SCD5: variants seen among roughly 807,000 people sequenced by gnomAD.
SCD5 encodes the protein stearoyl-CoA desaturase 5, also known as acyl-CoA-desaturase 4.
Under a neutral mutation model 30.4 loss-of-function variants are expected in SCD5, and 20 were observed. That is an observed-to-expected ratio of 0.66 (90% CI 0.46 to 0.96). The LOEUF (loss-of-function observed/expected upper bound fraction) is 0.96. Ranked by LOEUF, SCD5 falls within the 40% of genes least tolerant of loss-of-function variation. The pLI, the probability that SCD5 is intolerant of heterozygous loss-of-function variation, is 0.00. For missense variants in SCD5, 381 were observed against 443.3 expected, an observed-to-expected ratio of 0.86 and a Z score of 1.26; for synonymous variants, 173 against 176.4, an observed-to-expected ratio of 0.98 and a Z score of 0.16.
chr4:82,692,793 C>T (rs1719587363), intron 2 of SCD5, among the ~76,000 whole-genome samples: 1 of 152,238 alleles, frequency 6.6e-6, no homozygotes, highest in Non-Finnish European at 1.5e-5. Context: ...AGGCAAACTC[C>T]AGTCCGCTGA....
chr4:82,646,150 T>C (rs151044253), intron 3 of SCD5, among the ~76,000 whole-genome samples: 38 of 152,354 alleles, frequency 2.5e-4, no homozygotes, highest in African/African-American at 7.9e-4. Context: ...TGATGAGTGA[T>C]GAGCTGTTCC....
At chr4:82,782,015 T>A (rs569146878) in intron 1 of SCD5, among the ~76,000 whole-genome samples, 1 of 152,000 alleles carries the variant, frequency 6.6e-6, no homozygotes, top group East Asian at 1.9e-4. Flanking sequence ...CTCAGTTGCA[T>A]TTAACATCTA....
At chr4:82,663,218 C>T (rs1728057614) in intron 3 of SCD5, among the ~76,000 whole-genome samples, 1 of 152,154 alleles carries the variant, frequency 6.6e-6, no homozygotes, top group Admixed American at 6.5e-5. Flanking sequence ...ATATGAATGG[C>T]TTCACTTTTG....
intron 1 of SCD5, among the ~76,000 whole-genome samples, chr4:82,723,410 T>C (rs4693500): frequency 0.43 from 65,617 of 152,062 alleles, 14,868 homozygotes; most frequent in African/African-American, 0.57. Flanking sequence ...AGAACTTTTA[T>C]TTTCTACTTT....
intron 3 of SCD5, among the ~76,000 whole-genome samples, chr4:82,653,027 C>A (rs1264996051): frequency 6.6e-6 from 1 of 151,972 alleles, no homozygotes; most frequent in Non-Finnish European, 1.5e-5. Context: ...GTGGTACGTG[C>A]CTGTAGTCCT....
chr4:82,641,681 G>C (rs1727550163), intron 3 of SCD5, among the ~76,000 whole-genome samples: 1 of 152,134 alleles, frequency 6.6e-6, no homozygotes. Context: ...AGATAAAGTA[G>C]GAATAATGGG....
intron 1 of SCD5, among the ~76,000 whole-genome samples, chr4:82,707,835 G>A (rs1371203894): frequency 1.3e-5 from 2 of 152,200 alleles, no homozygotes; most frequent in Non-Finnish European, 2.9e-5. Flanking sequence ...AGCCCCGTGG[G>A]AGATCTTGGG....
intron 1 of SCD5, among the ~76,000 whole-genome samples, chr4:82,721,637 A>C (rs1720371536): frequency 6.6e-6 from 1 of 152,196 alleles, no homozygotes; most frequent in Non-Finnish European, 1.5e-5. Context: ...ATGTGAAGAG[A>C]CATAGGGAGA....
chr4:82,712,409 C>T (rs1326630053), intron 1 of SCD5, among the ~76,000 whole-genome samples: 3 of 147,502 alleles, frequency 2.0e-5, no homozygotes, highest in Admixed American at 1.4e-4. Context: ...CCTCTGCCTC[C>T]CGGGTTCAAG....
chr4:82,650,819 AAT>A (rs1307939554), intron 3 of SCD5, among the ~76,000 whole-genome samples: 1 of 115,006 alleles, frequency 8.7e-6, no homozygotes, highest in Non-Finnish European at 1.9e-5. Flanking sequence ...ATCAAATGTT[AAT>A]ATATGTTAAT....
At chr4:82,640,475 C>T (rs936869277) in intron 3 of SCD5, among the ~76,000 whole-genome samples, 6 of 152,204 alleles carry the variant, frequency 3.9e-5, no homozygotes, top group East Asian at 1.9e-4. Flanking sequence ...TCCCTGTAAT[C>T]GGCTAGGATT....
At chr4:82,695,542 GAGA>G (rs904694019) in intron 2 of SCD5, among the ~76,000 whole-genome samples, 1 of 152,186 alleles carries the variant, frequency 6.6e-6, no homozygotes, top group African/African-American at 2.4e-5. Flanking sequence ...GGAAAGCTAG[GAGA>G]AGAACAGAAG....
chr4:82,689,409 G>A (rs977611032), intron 2 of SCD5, among the ~76,000 whole-genome samples: 4 of 152,124 alleles, frequency 2.6e-5, no homozygotes, highest in African/African-American at 9.7e-5. Context: ...AAAAAAAAGA[G>A]GCATTTGTAG....
chr4:82,708,292 T>G (rs1720009486), intron 1 of SCD5, among the ~76,000 whole-genome samples: 1 of 152,228 alleles, frequency 6.6e-6, no homozygotes, highest in South Asian at 2.1e-4. Context: ...TCCCATTGGA[T>G]TTTGTTATTA....
intron 1 of SCD5, among the ~76,000 whole-genome samples, chr4:82,712,563 G>T (rs143151956): frequency 6.6e-6 from 1 of 151,472 alleles, no homozygotes; most frequent in Non-Finnish European, 1.5e-5. Flanking sequence ...TGAGCTGCCC[G>T]CCTTGGCCTC....
intron 1 of SCD5, among the ~76,000 whole-genome samples, chr4:82,710,181 G>C (rs776071193): frequency 9.2e-5 from 14 of 152,084 alleles, no homozygotes; most frequent in African/African-American, 1.7e-4. Context: ...TCTCTCTCTC[G>C]GCAGATGATT....
chr4:82,676,796 A>G (rs1728445885), intron 3 of SCD5, among the ~76,000 whole-genome samples: 1 of 152,228 alleles, frequency 6.6e-6, no homozygotes, highest in African/African-American at 2.4e-5. Flanking sequence ...CAGAGCCTAA[A>G]GGCAATACCA....
chr4:82,664,993 C>CTATATATA lies in SCD5; in HGVS notation c.569+15713_569+15714insTATATATA, dbSNP rs1247846017. On this transcript the variant is annotated intron_variant, in intron 3 of 4. Transcript: ENST00000319540. ...TCTCTCTCTCTCTCTCTCTCTCTCTCTCTCTCTATATATATATATATATAT... is the reference window on the plus strand; with the variant it reads ...TCTCTCTCTCTCTCTCTCTCTCTCTCTATATATATCTCTCTATATATATATATATATAT... 8.5e-4 allele frequency among the ~76,000 whole-genome samples: 74 copies of CTATATATA among 86,914 alleles called. 1 individual carries two copies. Among genetic ancestry groups the CTATATATA allele is most frequent in the African/African-American group, 2.5e-3 (43 of 17,510 alleles). The allele number at this position is 86,914 out of a possible 152,430, so 57.0% of individuals were successfully genotyped here.
intron 1 of SCD5, among the ~76,000 whole-genome samples, chr4:82,759,951 C>T (rs1721321740): frequency 6.6e-6 from 1 of 152,116 alleles, no homozygotes; most frequent in South Asian, 2.1e-4. Flanking sequence ...GTGCTGGAGC[C>T]AGTCAGTCCC....
Sources: allele counts gnomAD v4.1 joint callset (sites outside exome capture counted in the v4.1 genomes callset), GRCh38; gene constraint gnomAD v4.1.1; transcripts MANE v1.5; gene names NCBI Gene and HGNC (gene_info 2026-07-23, HGNC 2026-07-21).